The following SLC44A1 variants were observed in gnomAD, a reference collection of about 807,000 sequenced individuals.
SLC44A1 encodes the protein choline transporter-like protein 1.
In SLC44A1, 26 loss-of-function variants were observed where a neutral mutation model predicts 79.3. The observed-to-expected ratio is 0.33, with a 90% CI of 0.24 to 0.46. SLC44A1 has a LOEUF of 0.46. Ranked by LOEUF, SLC44A1 falls within the 20% of genes least tolerant of loss-of-function variation. The pLI, the probability that SLC44A1 is intolerant of heterozygous loss-of-function variation, is 1.00. For missense variants in SLC44A1, 688 were observed against 798.1 expected (o/e 0.86, Z 1.66); for synonymous variants, 263 against 286.2 (o/e 0.92, Z 0.82).
At chr9:105,281,212 A>G in intron 1 of SLC44A1, among the ~76,000 whole-genome samples, 1 of 152,222 alleles carries the variant, frequency 6.6e-6, no homozygotes, top group East Asian at 1.9e-4. Context: ...GAACAAAGTC[A>G]TACAATGACT....
intron 1 of SLC44A1, among the ~76,000 whole-genome samples, chr9:105,246,106 T>C (rs1023425788): frequency 6.6e-6 from 1 of 152,216 alleles, no homozygotes; most frequent in Non-Finnish European, 1.5e-5. Flanking sequence ...AAAGGGCTCT[T>C]GTTTTTAGAA....
intron 1 of SLC44A1, among the ~76,000 whole-genome samples, chr9:105,281,090 A>G (rs1438407587): frequency 6.6e-6 from 1 of 152,180 alleles, no homozygotes; most frequent in Non-Finnish European, 1.5e-5. Flanking sequence ...AACAGAGCAA[A>G]AAATTCACTG....
intron 3 of SLC44A1, among the ~76,000 whole-genome samples, chr9:105,310,134 G>T (rs755828843): frequency 7.3e-5 from 11 of 151,310 alleles, no homozygotes; most frequent in Non-Finnish European, 1.5e-4. Flanking sequence ...GATTTGAAAA[G>T]GTTATTCTTT....
At chr9:105,407,691 G>A (rs938037271) in intron 15 of SLC44A1, among the ~76,000 whole-genome samples, 2 of 151,874 alleles carry the variant, frequency 1.3e-5, no homozygotes, top group African/African-American at 4.8e-5. Context: ...CCAACATGAG[G>A]AAGCCTTGTC....
rs1049999900 is a variant in SLC44A1, at chr9:105,391,714, T to C, written c.*2658T>C. On this transcript the variant is annotated 3_prime_UTR_variant, in exon 16 of 16. Coordinates refer to ENST00000374720, the MANE Select transcript of SLC44A1 (RefSeq NM_080546.5). ...CTTCAGCTAGCTATGGGCTGCCTTA[T>C]TGCTATTCGCTCACTGCTTCCATCT... is the stretch of plus-strand genomic sequence containing the variant. 1 of 985,258 alleles carries C rather than the reference T, an allele frequency of 1.0e-6. No homozygotes were observed. Among genetic ancestry groups the C allele is most frequent in the African/African-American group, 1.7e-5 (1 of 57,238 alleles). The allele number at this position is 985,258 out of a possible 1,614,324, so 61.0% of individuals were successfully genotyped here. A position where few individuals can be genotyped will look rare whatever the true frequency, so the allele number is the denominator to read the frequency against.
At chr9:105,405,699 A>T (rs1448690724) in intron 15 of SLC44A1, among the ~76,000 whole-genome samples, 2 of 152,116 alleles carry the variant, frequency 1.3e-5, no homozygotes, top group African/African-American at 2.4e-5. Flanking sequence ...TCCCTGAATG[A>T]TCAACTCAGG....
intron 4 of SLC44A1, among the ~76,000 whole-genome samples, chr9:105,339,050 G>C (rs563748028): frequency 6.6e-6 from 1 of 152,228 alleles, no homozygotes; most frequent in African/African-American, 2.4e-5. Flanking sequence ...TTCTTGGATG[G>C]TACCAAATTG....
chr9:105,383,482 A>G (rs1828539458), intron 14 of SLC44A1, 123 bp downstream of exon 14: 3 of 650,940 alleles, frequency 4.6e-6, no homozygotes, highest in Non-Finnish European at 8.0e-6. Flanking sequence ...TTAACCCCAT[A>G]GCACTGACTC....
intron 15 of SLC44A1, among the ~76,000 whole-genome samples, chr9:105,410,052 G>C (rs1300256871): frequency 6.6e-6 from 1 of 152,086 alleles, no homozygotes; most frequent in Non-Finnish European, 1.5e-5. Context: ...CAAGGAAATT[G>C]ACTCAAAATG....
intron 7 of SLC44A1, among the ~76,000 whole-genome samples, chr9:105,360,172 T>C (rs1292206078): frequency 6.6e-6 from 1 of 152,122 alleles, no homozygotes; most frequent in African/African-American, 2.4e-5. Context: ...TCAGTCTCTT[T>C]GAACTTTGCC....
At chr9:105,319,025 A>G (rs1485448972) in intron 3 of SLC44A1, among the ~76,000 whole-genome samples, 1 of 152,018 alleles carries the variant, frequency 6.6e-6, no homozygotes, top group African/African-American at 2.4e-5. Flanking sequence ...ATAGACAATG[A>G]CCTTTGTAAT....
intron 1 of SLC44A1, among the ~76,000 whole-genome samples, chr9:105,288,183 A>G (rs555772910): frequency 1.3e-5 from 2 of 152,328 alleles, no homozygotes; most frequent in South Asian, 2.1e-4. Flanking sequence ...ACAACTGTTT[A>G]TTATAATCAT....
At chr9:105,375,299 C>G (rs1272179594) in intron 13 of SLC44A1, among the ~76,000 whole-genome samples, 1 of 152,226 alleles carries the variant, frequency 6.6e-6, no homozygotes, top group Admixed American at 6.5e-5. Flanking sequence ...CTTCGCCTCC[C>G]AAAGTGCTGG....
chr9:105,411,933 T>C (rs911410080), intron 15 of SLC44A1, among the ~76,000 whole-genome samples: 2 of 152,236 alleles, frequency 1.3e-5, no homozygotes, highest in African/African-American at 2.4e-5. Context: ...CCTTTGTAAT[T>C]AATAAGTATC....
At position 105,356,188 on chromosome 9, in the gene SLC44A1, G is replaced by C. The variant is rs182440063; in HGVS notation, c.501-24G>C. On this transcript the variant is annotated intron_variant, in intron 5 of 15. Coordinates refer to ENST00000374720, the MANE Select transcript of SLC44A1 (RefSeq NM_080546.5). The stretch of plus-strand genomic sequence containing the variant: ...ATTAAGTAGGAGTAATTTTTTTTCT[G>C]ATTTTTTTTTCTTGTGTCACCAGTG... The C allele has an allele frequency of 6.2e-4, 994 of 1,594,900 alleles. 1 individual carries two copies. Among genetic ancestry groups the C allele is most frequent in the Non-Finnish European group, 7.7e-4 (895 of 1,169,048 alleles).
chr9:105,259,757 T>C (rs979123502), intron 1 of SLC44A1, among the ~76,000 whole-genome samples: 1 of 152,224 alleles, frequency 6.6e-6, no homozygotes, highest in Non-Finnish European at 1.5e-5. Flanking sequence ...AAAAACATTT[T>C]TCAGTGTACA....
chr9:105,388,370 C>T (rs998319724), intron 15 of SLC44A1, among the ~76,000 whole-genome samples: 1 of 152,120 alleles, frequency 6.6e-6, no homozygotes, highest in African/African-American at 2.4e-5. Context: ...TGATATAATT[C>T]ACATATTGTT....
At chr9:105,295,458 G>A (rs1588746329) in intron 1 of SLC44A1, among the ~76,000 whole-genome samples, 1 of 152,154 alleles carries the variant, frequency 6.6e-6, no homozygotes, top group South Asian at 2.1e-4. Flanking sequence ...CTTTTGCTAG[G>A]TCTATGCAGA....
At chr9:105,342,588 GTTC>G (rs756703523) in intron 4 of SLC44A1, among the ~76,000 whole-genome samples, 2 of 152,112 alleles carry the variant, frequency 1.3e-5, no homozygotes, top group Non-Finnish European at 2.9e-5. Flanking sequence ...TGCTCAGACA[GTTC>G]TTCTCCTTTC....
Sources: allele counts gnomAD v4.1 joint callset (sites outside exome capture counted in the v4.1 genomes callset), GRCh38; gene constraint gnomAD v4.1.1; transcripts MANE v1.5; gene names NCBI Gene and HGNC (gene_info 2026-07-23, HGNC 2026-07-21).